Variants in DNAI4 observed in about 807,000 individuals in gnomAD.
DNAI4 encodes the protein WD repeat domain 78.
DNAI4 carries 85 observed loss-of-function variants against 105.8 expected under a neutral mutation model. That is an observed-to-expected ratio of 0.80 (90% CI 0.67 to 0.96). DNAI4 has a LOEUF of 0.96. Among genes scored for constraint, DNAI4 ranks in the 40% least tolerant of loss-of-function variants. The pLI, the probability that DNAI4 is intolerant of heterozygous loss-of-function variation, is 0.00. For missense variants in DNAI4, 1,014 were observed against 1,005.6 expected (o/e 1.01, Z -0.11); for synonymous variants, 352 against 331.5 (o/e 1.06, Z -0.67).
intron 1 of DNAI4, among the ~76,000 whole-genome samples, chr1:66,917,172 A>T (rs1208502580): frequency 6.6e-6 from 1 of 152,210 alleles, no homozygotes; most frequent in East Asian, 1.9e-4. Flanking sequence ...TATTTGTATA[A>T]ATGTTATTGG....
chr1:66,871,282 T>A, intron 6 of DNAI4, 88 bp downstream of exon 6: 1 of 1,245,522 alleles, frequency 8.0e-7, no homozygotes, highest in African/African-American at 1.5e-5. Context: ...TTTTGCTTTA[T>A]ACATTTCAAT....
At chr1:66,911,659 G>C (rs1300997299) in intron 1 of DNAI4, among the ~76,000 whole-genome samples, 1 of 152,182 alleles carries the variant, frequency 6.6e-6, no homozygotes, top group Non-Finnish European at 1.5e-5. Context: ...CAATATCACA[G>C]TACATAATAC....
At chr1:66,870,210 G>A (rs540615577) in intron 6 of DNAI4, among the ~76,000 whole-genome samples, 2 of 152,198 alleles carry the variant, frequency 1.3e-5, no homozygotes, top group African/African-American at 2.4e-5. Flanking sequence ...CTGGGAGGTC[G>A]AGATGGGAGG....
intron 1 of DNAI4, among the ~76,000 whole-genome samples, chr1:66,921,921 G>T (rs1421202363): frequency 1.4e-5 from 2 of 144,554 alleles, no homozygotes; most frequent in African/African-American, 5.2e-5. Flanking sequence ...TTTTGAGGTG[G>T]AATCTCACTC....
chr1:66,914,317 AT>A (rs1014333081), intron 1 of DNAI4, among the ~76,000 whole-genome samples: 12 of 151,334 alleles, frequency 7.9e-5, no homozygotes, highest in African/African-American at 2.7e-4. Flanking sequence ...CTTTTTCTCT[AT>A]TTTTTTTCCT....
intron 16 of DNAI4, among the ~76,000 whole-genome samples, chr1:66,821,091 C>CTTTTTTTTTTTTTTTTTTTTTTT (rs55811909): frequency 1.2e-5 from 1 of 80,326 alleles, no homozygotes; most frequent in African/African-American, 5.1e-5. Context: ...AAACATTTCT[C>CTTTTTTTTTTTTTTTTTTTTTTT]TTTTTTTTTT....
chr1:66,918,842 C>T (rs1331348221), intron 1 of DNAI4, among the ~76,000 whole-genome samples: 1 of 151,768 alleles, frequency 6.6e-6, no homozygotes, highest in African/African-American at 2.4e-5. Flanking sequence ...TATTTTGGGC[C>T]CCAAAATTAC....
rs571869411 is a variant in DNAI4, at chr1:66,897,895, T to C, written c.346-4482A>G. ...ACCACTGCAGAAGGCCCCTAAAGGG[T>C]AATGCCTAGTGGAGACATGGGAGCA... On this transcript the variant is annotated intron_variant, in intron 2 of 16. Transcript: ENST00000371026. 2.8e-3 allele frequency among the ~76,000 whole-genome samples: 419 copies of C among 152,086 alleles called. 6 individuals carry two copies. The highest frequency in any genetic ancestry group is 4.8e-3 in the South Asian group (23 of 4,804).
chr1:66,893,085 G>GAAAGAGAGAGAGAGAGAAAGAA (rs1647952058), intron 3 of DNAI4, 144 bp downstream of exon 3: 1 of 396,732 alleles, frequency 2.5e-6, no homozygotes, highest in Admixed American at 4.5e-5. Flanking sequence ...AAGAAAGAAA[G>GAAAGAGAGAGAGAGAGAAAGAA]AAAGAAAGAA....
At chr1:66,846,882 A>G (rs1040178957) in intron 8 of DNAI4, among the ~76,000 whole-genome samples, 3 of 152,198 alleles carry the variant, frequency 2.0e-5, no homozygotes, top group Non-Finnish European at 2.9e-5. Flanking sequence ...AATCTCTAAA[A>G]TCCTTTAAAA....
intron 16 of DNAI4, among the ~76,000 whole-genome samples, chr1:66,820,188 T>C (rs1047138223): frequency 1.3e-5 from 2 of 152,098 alleles, no homozygotes; most frequent in African/African-American, 4.8e-5. Context: ...GAAAAAGCCA[T>C]TAGGATTACA....
intron 1 of DNAI4, among the ~76,000 whole-genome samples, chr1:66,914,289 AT>A (rs1432791672): frequency 1.3e-5 from 2 of 152,284 alleles, no homozygotes; most frequent in Non-Finnish European, 2.9e-5. Flanking sequence ...CCTGCAAACT[AT>A]AGAGTTCCTA....
intron 4 of DNAI4, among the ~76,000 whole-genome samples, chr1:66,881,134 A>G (rs1647060857): frequency 6.6e-6 from 1 of 152,252 alleles, no homozygotes; most frequent in Non-Finnish European, 1.5e-5. Context: ...CTGGATGCCC[A>G]GCCAGAAGTT....
Position 66,813,187 on chromosome 1 carries a change from T to C in DNAI4, c.*943A>G, listed in dbSNP as rs1214495556. 1 of 152,336 alleles carries C rather than the reference T, an allele frequency of 6.6e-6. No individual in the cohort carries two copies. Among genetic ancestry groups the C allele is most frequent in the Non-Finnish European group, 1.5e-5 (1 of 68,036 alleles). The allele number at this position is 152,336 out of a possible 1,614,324, so 9.4% of individuals were successfully genotyped here. A position where few individuals can be genotyped will look rare whatever the true frequency, so the allele number is the denominator to read the frequency against. ...TTTTTTTTCCAGAGAGTTTAGTGAA[T>C]TTCATATGCCCTATCGTCTCCTCTC... On this transcript the variant is annotated 3_prime_UTR_variant, in exon 17 of 17. Coordinates refer to ENST00000371026, the MANE Select transcript of DNAI4 (RefSeq NM_024763.5).
chr1:66,836,262 A>T (rs373263404), intron 10 of DNAI4, among the ~76,000 whole-genome samples: 1 of 11,716 alleles, frequency 8.5e-5, no homozygotes, highest in Non-Finnish European at 1.9e-4. Context: ...GAGAGAAAGA[A>T]AGAAAGAAAG....
chr1:66,893,907 G>A (rs944773378), intron 2 of DNAI4, among the ~76,000 whole-genome samples: 1 of 152,098 alleles, frequency 6.6e-6, no homozygotes, highest in African/African-American at 2.4e-5. Flanking sequence ...ATCACCTAGT[G>A]ACATCACAGT....
At chr1:66,838,829 A>G (rs1300578270) in intron 9 of DNAI4, among the ~76,000 whole-genome samples, 1 of 152,166 alleles carries the variant, frequency 6.6e-6, no homozygotes, top group Non-Finnish European at 1.5e-5. Context: ...AGCTTCTTGT[A>G]TGTGTCCCCA....
At chr1:66,826,774 T>G in intron 15 of DNAI4, 46 bp downstream of exon 15, 1 of 1,564,608 alleles carries the variant, frequency 6.4e-7, no homozygotes, top group Non-Finnish European at 8.7e-7. Flanking sequence ...ATCACTTAGT[T>G]TGAACTGCTT....
intron 7 of DNAI4, among the ~76,000 whole-genome samples, chr1:66,858,336 C>T (rs1025421502): frequency 2.0e-5 from 3 of 151,086 alleles, no homozygotes; most frequent in African/African-American, 7.3e-5. Flanking sequence ...GAGACCATCC[C>T]AGCTAACATA....
Sources: gnomAD v4.1 joint callset for allele counts (sites outside exome capture counted in the v4.1 genomes callset) on GRCh38, gnomAD v4.1.1 for gene constraint, MANE v1.5 for transcripts, NCBI Gene and HGNC (gene_info 2026-07-23, HGNC 2026-07-21) for gene names.